Variants in TSPAN11 observed in about 807,000 individuals in gnomAD.
TSPAN11 encodes tetraspanin-11.
Under a neutral mutation model 32.9 loss-of-function variants are expected in TSPAN11, and 29 were observed. The ratio of observed to expected loss-of-function variants is 0.88; its 90% CI spans 0.66 to 1.20. The LOEUF is 1.20. TSPAN11 is among the 50% of genes most tolerant of loss of function. TSPAN11 has a pLI of 0.00. For synonymous variants in TSPAN11, 140 were observed against 141.3 expected (o/e 0.99, Z 0.07); for missense variants, 283 against 329.1 (o/e 0.86, Z 1.08).
At chr12:30,946,064 A>G (rs1409475433) in intron 1 of TSPAN11, among the ~76,000 whole-genome samples, 1 of 152,224 alleles carries the variant, frequency 6.6e-6, no homozygotes, top group Non-Finnish European at 1.5e-5. Context: ...TGTGAAGGAT[A>G]CTTACACTGC....
chr12:30,942,324 A>G (rs1426029694), intron 1 of TSPAN11, among the ~76,000 whole-genome samples: 2 of 152,120 alleles, frequency 1.3e-5, no homozygotes, highest in Admixed American at 6.5e-5. Flanking sequence ...CATCATCTCC[A>G]TCTTACAGAG....
At chr12:30,943,686 G>A (rs1247197323) in intron 1 of TSPAN11, among the ~76,000 whole-genome samples, 1 of 152,208 alleles carries the variant, frequency 6.6e-6, no homozygotes, top group Non-Finnish European at 1.5e-5. Flanking sequence ...CAAAGGAGCT[G>A]AGCTCGGGAT....
intron 1 of TSPAN11, among the ~76,000 whole-genome samples, chr12:30,946,496 C>T (rs1430102414): frequency 6.6e-6 from 1 of 152,190 alleles, no homozygotes; most frequent in Non-Finnish European, 1.5e-5. Flanking sequence ...TCAGCTGCCC[C>T]AGCTCAAGCC....
chr12:30,979,615 A>G lies in TSPAN11; in HGVS notation c.401A>G (p.Tyr134Cys), dbSNP rs895047392. The G allele has an allele frequency of 3.1e-6, 5 of 1,614,028 alleles. No homozygotes were observed. The African/African-American group carries it at 5.3e-5, about 17-fold the overall frequency. The change falls in exon 5 of 8, where the codon TAC (tyrosine) becomes TGC (cysteine). Residue 134 changes from tyrosine (Y) to cysteine (C), a missense_variant. By Grantham distance (194) the Tyr-to-Cys change is radical. Coordinates refer to ENST00000546076, the MANE Select transcript of TSPAN11 (RefSeq NM_001370302.1). Reference sequence around the variant, plus strand: ...TTGAACCGGACTCTGGCTGAGAACTACGGGCAGCCCGGAGCCACGCAGATC... The same window carrying G: ...TTGAACCGGACTCTGGCTGAGAACTGCGGGCAGCCCGGAGCCACGCAGATC... ...QHLNRTLAEN[Y>C]GQPGATQITA...
At chr12:30,996,959 G>T (rs896820859), downstream of TSPAN11, 1 of 152,228 alleles carries the variant, frequency 6.6e-6, no homozygotes, top group African/African-American at 2.4e-5. Context: ...TCATGAACCT[G>T]CAGTGAGCTC....
Position 30,991,841 on chromosome 12 carries a change from C to T in TSPAN11, c.703-15C>T, listed in dbSNP as rs182144343. 3.7e-6 allele frequency: 6 copies of T among 1,614,192 alleles called. No homozygotes were observed. In the Admixed American group the frequency reaches 8.3e-5, roughly 22 times the overall value. On this transcript the variant is annotated splice_polypyrimidine_tract_variant and intron_variant, in intron 7 of 7. Transcript: ENST00000546076. The stretch of plus-strand genomic sequence containing the variant: ...TCTGATTTCTCTTTGCTCCTCTGCT[C>T]TCTCCACCTGGCAGATCTGCGGGAT...
chr12:30,969,863 G>A (rs138154609), intron 3 of TSPAN11, among the ~76,000 whole-genome samples: 20 of 152,350 alleles, frequency 1.3e-4, no homozygotes, highest in African/African-American at 4.8e-4. Flanking sequence ...AGAGTCTAGT[G>A]AGGAACATGA....
At chr12:30,969,870 A>G (rs1938813760) in intron 3 of TSPAN11, among the ~76,000 whole-genome samples, 1 of 152,206 alleles carries the variant, frequency 6.6e-6, no homozygotes, top group African/African-American at 2.4e-5. Flanking sequence ...AGTGAGGAAC[A>G]TGAGGCGCCT....
chr12:30,942,824 T>C (rs930903814), intron 1 of TSPAN11, among the ~76,000 whole-genome samples: 16 of 152,278 alleles, frequency 1.1e-4, no homozygotes, highest in African/African-American at 3.1e-4. Flanking sequence ...AGGGTTTTAA[T>C]TCGAGTTCTA....
chr12:30,927,794 T>C (rs896632556), intron 1 of TSPAN11, among the ~76,000 whole-genome samples: 1 of 152,108 alleles, frequency 6.6e-6, no homozygotes, highest in African/African-American at 2.4e-5. Flanking sequence ...AACTTAATGG[T>C]TGTCACTGTG....
intron 2 of TSPAN11, among the ~76,000 whole-genome samples, chr12:30,960,151 CG>C (rs1398232639): frequency 6.6e-6 from 1 of 151,310 alleles, no homozygotes; most frequent in Admixed American, 6.6e-5. Context: ...GGTGATGGCG[CG>C]GCGCCATGTA....
At chr12:30,954,280 T>A (rs951702602) in intron 2 of TSPAN11, 19 of 603,054 alleles carry the variant, frequency 3.2e-5, no homozygotes, top group Non-Finnish European at 4.2e-5. Context: ...CAGGTTGGCA[T>A]GGAGTTTGTA....
At chr12:31,013,590 A>AAAAACCAAAAC in the TSPAN11 span, among the ~76,000 whole-genome samples, 1 of 147,228 alleles carries the variant, frequency 6.8e-6, no homozygotes, top group Non-Finnish European at 1.5e-5. Context: ...TCCTGTCTCA[A>AAAAACCAAAAC]AAAACAAAAC....
chr12:31,009,214 C>T, the TSPAN11 span, among the ~76,000 whole-genome samples: 1 of 152,240 alleles, frequency 6.6e-6, no homozygotes, highest in Non-Finnish European at 1.5e-5. Flanking sequence ...CCCAAAAAGC[C>T]TTCCTTGTCT....
chr12:30,996,201 G>A lies in TSPAN11; in HGVS notation c.*4286G>A, dbSNP rs1320085520. Reference sequence around the variant, plus strand: ...AGACCAGGTGCCTGGGTCCCTTCCTGGAAGGGGACAAGTTACACACCCCAG... The same window carrying A: ...AGACCAGGTGCCTGGGTCCCTTCCTAGAAGGGGACAAGTTACACACCCCAG... On this transcript the variant is annotated 3_prime_UTR_variant, in exon 8 of 8. Transcript: ENST00000546076. 2.6e-5 allele frequency: 4 copies of A among 152,384 alleles called. No individual in the cohort carries two copies. In the East Asian group the frequency reaches 7.7e-4, roughly 29 times the overall value. The allele number at this position is 152,384 out of a possible 1,614,324, so 9.4% of individuals were successfully genotyped here. A position where few individuals can be genotyped will look rare whatever the true frequency, so the allele number is the denominator to read the frequency against.
At chr12:30,929,970 G>A (rs1415335175) in intron 1 of TSPAN11, among the ~76,000 whole-genome samples, 1 of 152,222 alleles carries the variant, frequency 6.6e-6, no homozygotes, top group African/African-American at 2.4e-5. Context: ...CCGTGCCCAT[G>A]ATAGAGGAGG....
chr12:30,978,741 C>A, intron 4 of TSPAN11, 106 bp downstream of exon 4: 1 of 1,182,582 alleles, frequency 8.5e-7, no homozygotes, highest in Non-Finnish European at 1.2e-6. Context: ...GGCACAAGGG[C>A]GGTCCTGTTT....
Position 30,993,035 on chromosome 12 carries a change from A to G in TSPAN11, c.*1120A>G, listed in dbSNP as rs995834448. 8 of 152,200 alleles carry G rather than the reference A, an allele frequency of 5.3e-5. No homozygotes were observed. The highest frequency in any genetic ancestry group is 7.3e-5 in the Non-Finnish European group (5 of 68,038). The allele number at this position is 152,200 out of a possible 1,614,324, so 9.4% of individuals were successfully genotyped here. A position where few individuals can be genotyped will look rare whatever the true frequency, so the allele number is the denominator to read the frequency against. ...ATTTTCAGGAAGAACTTTCCCCAGT[A>G]ATAAGGGAGAACAGAAAGAAAATCC... is the stretch of plus-strand genomic sequence containing the variant. On this transcript the variant is annotated 3_prime_UTR_variant, in exon 8 of 8. Coordinates refer to ENST00000546076, the MANE Select transcript of TSPAN11 (RefSeq NM_001370302.1).
At chr12:30,972,124 C>G (rs369490686) in intron 3 of TSPAN11, among the ~76,000 whole-genome samples, 1 of 152,202 alleles carries the variant, frequency 6.6e-6, no homozygotes, top group African/African-American at 2.4e-5. Context: ...ATTCTCGTTA[C>G]CTGTTTCCGT....
Sources: allele counts gnomAD v4.1 joint callset (sites outside exome capture counted in the v4.1 genomes callset), GRCh38; gene constraint gnomAD v4.1.1; transcripts MANE v1.5; gene names NCBI Gene and HGNC (gene_info 2026-07-23, HGNC 2026-07-21).